The following CTNNA2 variants were observed in gnomAD, a reference collection of about 807,000 sequenced individuals.
CTNNA2 encodes the protein catenin alpha 2.
Under a neutral mutation model 101.0 loss-of-function variants are expected in CTNNA2, and 42 were observed. The observed-to-expected ratio is 0.42, with a 90% CI of 0.32 to 0.54. The LOEUF is 0.54. CTNNA2 is among the 20% of genes least tolerant of loss of function. The pLI is 0.14. For synonymous variants in CTNNA2, 450 were observed against 456.4 expected, an observed-to-expected ratio of 0.99 and a Z score of 0.18; for missense variants, 871 against 1,223.1, an observed-to-expected ratio of 0.71 and a Z score of 4.29.
rs1454651408 is a variant in CTNNA2 at position 79,687,580 on chromosome 2, C to A, written c.102+35922C>A. 4.3e-6 allele frequency: 3 copies of A among 703,796 alleles called. No individual in the cohort carries two copies. In the African/African-American group the frequency reaches 5.4e-5, roughly 13 times the overall value. 43.6% of individuals were successfully genotyped at this position (703,796 alleles called of 1,614,324 possible). The stretch of plus-strand genomic sequence containing the variant: ...GCCTTGCAGTGCATTTTTTTTTCCA[C>A]CGGATATTTCAAATGAAAATCACAT... On this transcript the variant is annotated intron_variant, in intron 2 of 18. Coordinates refer to ENST00000402739, the MANE Select transcript of CTNNA2 (RefSeq NM_001282597.3).
chr2:79,308,764 T>C (rs1676301980), intron 2 of CTNNA2, among the ~76,000 whole-genome samples: 1 of 149,140 alleles, frequency 6.7e-6, no homozygotes, highest in Non-Finnish European at 1.5e-5. Flanking sequence ...TCAAATCCAC[T>C]AAATGTTTCA....
At chr2:80,270,117 G>C (rs577776966) in intron 7 of CTNNA2, among the ~76,000 whole-genome samples, 1 of 152,264 alleles carries the variant, frequency 6.6e-6, no homozygotes, top group South Asian at 2.1e-4. Flanking sequence ...AATTCGTTCC[G>C]ATGAGAAAGA....
At chr2:80,179,947 A>G (rs1465072269) in intron 7 of CTNNA2, among the ~76,000 whole-genome samples, 1 of 152,166 alleles carries the variant, frequency 6.6e-6, no homozygotes, top group Non-Finnish European at 1.5e-5. Flanking sequence ...CACTGGACCC[A>G]CTGTAAGTTG....
At chr2:79,269,540 A>G (rs1323932070) in intron 2 of CTNNA2, among the ~76,000 whole-genome samples, 6 of 152,166 alleles carry the variant, frequency 3.9e-5, no homozygotes, top group Non-Finnish European at 7.4e-5. Context: ...GTACTTTTAA[A>G]AAACAAGTTC....
chr2:80,509,725 CT>C (rs1423149215), intron 9 of CTNNA2, among the ~76,000 whole-genome samples: 1 of 152,108 alleles, frequency 6.6e-6, no homozygotes, highest in Non-Finnish European at 1.5e-5. Context: ...GTCATCAGTC[CT>C]AGCTAGCTTA....
intron 3 of CTNNA2, among the ~76,000 whole-genome samples, chr2:79,340,762 A>G (rs1158194145): frequency 7.4e-6 from 1 of 135,134 alleles, no homozygotes; most frequent in Non-Finnish European, 1.5e-5. Flanking sequence ...TGAACCCGGG[A>G]GGCGGAGCTT....
chr2:80,424,868 G>T (rs1248283872), intron 9 of CTNNA2, among the ~76,000 whole-genome samples: 1 of 152,132 alleles, frequency 6.6e-6, no homozygotes, highest in East Asian at 1.9e-4. Flanking sequence ...GAAAAACTGG[G>T]GATGAAGCTC....
At chr2:79,235,762 C>T (rs959630105) in intron 2 of CTNNA2, among the ~76,000 whole-genome samples, 4 of 152,130 alleles carry the variant, frequency 2.6e-5, no homozygotes, top group African/African-American at 4.8e-5. Flanking sequence ...ATCTGCTGTC[C>T]GGATGCTTCA....
rs1697189558 is a variant in CTNNA2 at position 80,055,966 on chromosome 2, A to G, written c.1056+146169A>G. On this transcript the variant is annotated intron_variant, in intron 7 of 18. Coordinates refer to ENST00000402739, the MANE Select transcript of CTNNA2 (RefSeq NM_001282597.3). The stretch of plus-strand genomic sequence containing the variant: ...TTTAAGTTATCTGGAAGGGTTTAGT[A>G]CAGAGATTGTGTTTAGCTGTGGATG... 2.0e-5 allele frequency among the ~76,000 whole-genome samples: 3 copies of G among 152,198 alleles called. No homozygotes were observed. The South Asian group carries it at 6.2e-4, about 31-fold the overall frequency.
At chr2:79,187,259 TCTTTTC>T (rs1558567369) in intron 1 of CTNNA2, among the ~76,000 whole-genome samples, 15 of 111,040 alleles carry the variant, frequency 1.4e-4, no homozygotes, top group East Asian at 9.5e-4. Flanking sequence ...TCTTTTCTTT[TCTTTTC>T]TTTTCTTTTT....
intron 17 of CTNNA2, 51 bp from the exon 18 acceptor site, chr2:80,619,034 T>TTTCTTTTTCTCTCTCTCTCATTC: frequency 8.0e-7 from 1 of 1,255,140 alleles, no homozygotes. Context: ...TTTTTTTTTT[T>TTTCTTTTTCTCTCTCTCTCATTC]TCTTTTGCTC....
Position 80,284,914 on chromosome 2 carries a change from A to G in CTNNA2, c.1057-108297A>G, listed in dbSNP as rs563547504. Among the ~76,000 whole-genome samples the G allele has an allele frequency of 7.2e-5, 11 of 152,218 alleles. No individual in the cohort carries two copies. In the South Asian group the frequency reaches 2.3e-3, roughly 32 times the overall value. On this transcript the variant is annotated intron_variant, in intron 7 of 18. Coordinates refer to ENST00000402739, the MANE Select transcript of CTNNA2 (RefSeq NM_001282597.3). ...GGTCTAGAGGTGGATCCCCCCAGCT[A>G]GACTGTGGAGCACAGTGGAGTCTCT...
intron 7 of CTNNA2, among the ~76,000 whole-genome samples, chr2:79,937,866 G>GAGAA (rs1327049498): frequency 6.6e-6 from 1 of 152,190 alleles, no homozygotes; most frequent in Admixed American, 6.5e-5. Flanking sequence ...AATAGTCTTT[G>GAGAA]AGAAACACTG....
At chr2:80,046,408 T>A (rs1311846715) in intron 7 of CTNNA2, among the ~76,000 whole-genome samples, 1 of 152,128 alleles carries the variant, frequency 6.6e-6, no homozygotes, top group South Asian at 2.1e-4. Context: ...TCTCAGTAGA[T>A]GAGACCTACT....
chr2:79,742,153 C>G (rs1402645232), intron 2 of CTNNA2, among the ~76,000 whole-genome samples: 1 of 152,162 alleles, frequency 6.6e-6, no homozygotes, highest in Non-Finnish European at 1.5e-5. Context: ...ATTTGCATCA[C>G]CAAAACTGTG....
At chr2:80,577,606 T>G (rs1001472800) in intron 13 of CTNNA2, among the ~76,000 whole-genome samples, 2 of 150,332 alleles carry the variant, frequency 1.3e-5, no homozygotes, top group Admixed American at 1.3e-4. Context: ...AGAAGCAAGA[T>G]CAGTTAGGAA....
chr2:80,231,120 C>G (rs867163659), intron 7 of CTNNA2, among the ~76,000 whole-genome samples: 1 of 152,024 alleles, frequency 6.6e-6, no homozygotes. Context: ...GACAGGCATG[C>G]ACTACCATCC....
At chr2:79,357,050 G>A (rs1218285242) in intron 3 of CTNNA2, among the ~76,000 whole-genome samples, 1 of 152,160 alleles carries the variant, frequency 6.6e-6, no homozygotes, top group Non-Finnish European at 1.5e-5. Flanking sequence ...AATAGAGCTG[G>A]GTGGATTGGC....
intron 2 of CTNNA2, among the ~76,000 whole-genome samples, chr2:79,284,427 A>G (rs1675495996): frequency 6.7e-6 from 1 of 149,188 alleles, no homozygotes; most frequent in East Asian, 2.0e-4. Context: ...ATTTTGAAAT[A>G]TGTCCCATCA....
Sources: allele counts gnomAD v4.1 joint callset (sites outside exome capture counted in the v4.1 genomes callset), GRCh38; gene constraint gnomAD v4.1.1; transcripts MANE v1.5; gene names NCBI Gene and HGNC (gene_info 2026-07-23, HGNC 2026-07-21).